ZNF385B: variants seen among roughly 807,000 people sequenced by gnomAD.
ZNF385B encodes zinc finger protein 533.
Under a neutral mutation model 39.2 loss-of-function variants are expected in ZNF385B, and 23 were observed. The ratio of observed to expected loss-of-function variants is 0.59; its 90% CI spans 0.42 to 0.83. ZNF385B has a LOEUF of 0.83. ZNF385B is among the 40% of genes least tolerant of loss of function. The pLI is 0.00. For missense variants in ZNF385B, 552 were observed against 598.9 expected, an observed-to-expected ratio of 0.92 and a Z score of 0.82; for synonymous variants, 205 against 222.6, an observed-to-expected ratio of 0.92 and a Z score of 0.70.
chr2:179,773,565 A>G (rs1009711620), intron 1 of ZNF385B, among the ~76,000 whole-genome samples: 1 of 152,236 alleles, frequency 6.6e-6, no homozygotes, highest in Non-Finnish European at 1.5e-5. Context: ...AAGTTAGCAC[A>G]ACACACAATT....
At chr2:179,838,514 A>T (rs1708370318) in intron 1 of ZNF385B, among the ~76,000 whole-genome samples, 1 of 152,166 alleles carries the variant, frequency 6.6e-6, no homozygotes, top group Non-Finnish European at 1.5e-5. Context: ...GCTCCACATC[A>T]TCCCAGTATC....
rs185969173 is a variant in ZNF385B at position 179,574,824 on chromosome 2, A to G, written c.299-29855T>C. ...AGGGATGTTAGGGGGGAAGGGCTTT[A>G]CCTAAGGAGAGAAGCTCCTTGCTTC... On this transcript the variant is annotated intron_variant, in intron 3 of 9. Coordinates refer to ENST00000410066, the MANE Select transcript of ZNF385B (RefSeq NM_152520.6). 2.5e-3 allele frequency among the ~76,000 whole-genome samples: 376 copies of G among 152,246 alleles called. 2 individuals carry two copies. The highest frequency in any genetic ancestry group is 8.6e-3 in the African/African-American group (356 of 41,556).
At chr2:179,559,837 C>T (rs1010825260) in intron 3 of ZNF385B, among the ~76,000 whole-genome samples, 1 of 152,112 alleles carries the variant, frequency 6.6e-6, no homozygotes, top group African/African-American at 2.4e-5. Context: ...CTACTGTCCT[C>T]ATGCTGTACC....
intron 1 of ZNF385B, among the ~76,000 whole-genome samples, chr2:179,825,814 A>G (rs1707648195): frequency 6.6e-6 from 1 of 152,114 alleles, no homozygotes; most frequent in South Asian, 2.1e-4. Flanking sequence ...GTAAAATACC[A>G]CTGATGACAA....
At chr2:179,807,767 C>T (rs1277876219) in intron 1 of ZNF385B, among the ~76,000 whole-genome samples, 12 of 151,340 alleles carry the variant, frequency 7.9e-5, no homozygotes, top group East Asian at 4.0e-4. Flanking sequence ...TGGTGGCAGG[C>T]GCCTGTAGTC....
At chr2:179,523,348 G>GTTTTTTTTT (rs574497139) in intron 4 of ZNF385B, among the ~76,000 whole-genome samples, 1 of 108,672 alleles carries the variant, frequency 9.2e-6, no homozygotes, top group African/African-American at 3.5e-5. Context: ...ATCTGTGTGC[G>GTTTTTTTTT]TTTTTTTTTT....
intron 3 of ZNF385B, among the ~76,000 whole-genome samples, chr2:179,717,993 A>T (rs1291092622): frequency 6.6e-6 from 1 of 152,118 alleles, no homozygotes; most frequent in Non-Finnish European, 1.5e-5. Context: ...ATCCGAAGAC[A>T]TTTTTGCTAC....
chr2:179,714,343 T>C (rs866552985), intron 3 of ZNF385B, among the ~76,000 whole-genome samples: 1 of 152,214 alleles, frequency 6.6e-6, no homozygotes, highest in African/African-American at 2.4e-5. Context: ...TTTATGTACA[T>C]GGCAACTGAG....
intron 1 of ZNF385B, among the ~76,000 whole-genome samples, chr2:179,802,347 C>T (rs1706087622): frequency 6.6e-6 from 1 of 152,068 alleles, no homozygotes; most frequent in Non-Finnish European, 1.5e-5. Flanking sequence ...TTCTAAGCCC[C>T]TTCTGTTAAT....
chr2:179,641,565 T>C (rs1331327662), intron 3 of ZNF385B, among the ~76,000 whole-genome samples: 2 of 152,148 alleles, frequency 1.3e-5, no homozygotes, highest in African/African-American at 4.8e-5. Flanking sequence ...TTTATAAATA[T>C]AAAATATAAT....
rs191227515 is a variant in ZNF385B at position 179,674,714 on chromosome 2, G to A, written c.298+94789C>T. ...TTCTTTTCCTTATGTTACCATTACT[G>A]CATTTTAAGGAATTTTAAACTTGAT... is the stretch of plus-strand genomic sequence containing the variant. On this transcript the variant is annotated intron_variant, in intron 3 of 9. Transcript: ENST00000410066. 2.0e-3 allele frequency among the ~76,000 whole-genome samples: 305 copies of A among 152,222 alleles called. 1 individual carries two copies. The highest frequency in any genetic ancestry group is 7.0e-3 in the African/African-American group (291 of 41,522).
Position 179,623,456 on chromosome 2 carries a change from C to G in ZNF385B, c.299-78487G>C, listed in dbSNP as rs774175261. ...AGTACATGACTTAGACTCAGCTGAT[C>G]GGACATATTTTATCCCCCTTCCCTG... is the stretch of plus-strand genomic sequence containing the variant. On this transcript the variant is annotated intron_variant, in intron 3 of 9. Coordinates refer to ENST00000410066, the MANE Select transcript of ZNF385B (RefSeq NM_152520.6). 3.3e-5 allele frequency among the ~76,000 whole-genome samples: 5 copies of G among 152,220 alleles called. No homozygotes were observed. In the South Asian group the frequency reaches 6.2e-4, roughly 19 times the overall value.
intron 1 of ZNF385B, among the ~76,000 whole-genome samples, chr2:179,803,887 G>A (rs1706188601): frequency 6.6e-6 from 1 of 152,140 alleles, no homozygotes; most frequent in Non-Finnish European, 1.5e-5. Flanking sequence ...ACACAATGGA[G>A]ATTGATTATA....
chr2:179,494,890 A>G (rs2056034023), intron 5 of ZNF385B, among the ~76,000 whole-genome samples: 2 of 152,166 alleles, frequency 1.3e-5, no homozygotes, highest in African/African-American at 4.8e-5. Context: ...GTAATTAAAA[A>G]GTTTTCTAAT....
intron 3 of ZNF385B, among the ~76,000 whole-genome samples, chr2:179,562,868 T>G (rs1054381377): frequency 6.6e-6 from 1 of 152,202 alleles, no homozygotes; most frequent in African/African-American, 2.4e-5. Flanking sequence ...TGTCAAGGGA[T>G]TATTCCCCCT....
rs2058533311 is a variant in ZNF385B, at chr2:179,521,873, A to T, written c.442-3235T>A. Reference sequence around the variant, plus strand: ...TCAAGATTGTACCCCCATCTGTCTCACTTGGAACAGATTTCCTTTATTTTC... The same window carrying T: ...TCAAGATTGTACCCCCATCTGTCTCTCTTGGAACAGATTTCCTTTATTTTC... On this transcript the variant is annotated intron_variant, in intron 4 of 9. Transcript: ENST00000410066. Among the ~76,000 whole-genome samples the T allele has an allele frequency of 4.6e-5, 7 of 152,234 alleles. 1 individual carries two copies. In the South Asian group the frequency reaches 1.5e-3, roughly 32 times the overall value.
chr2:179,707,895 G>T (rs985541462), intron 3 of ZNF385B, among the ~76,000 whole-genome samples: 5 of 152,246 alleles, frequency 3.3e-5, no homozygotes, highest in African/African-American at 1.2e-4. Flanking sequence ...AGCCAGAACA[G>T]TGGATCGCTA....
At chr2:179,635,234 G>C (rs1691642419) in intron 3 of ZNF385B, among the ~76,000 whole-genome samples, 1 of 152,044 alleles carries the variant, frequency 6.6e-6, no homozygotes, top group South Asian at 2.1e-4. Flanking sequence ...GTCCTTTACA[G>C]GGACATGGAT....
intron 3 of ZNF385B, among the ~76,000 whole-genome samples, chr2:179,563,949 A>AT (rs1684244487): frequency 6.6e-6 from 1 of 152,038 alleles, no homozygotes; most frequent in Non-Finnish European, 1.5e-5. Context: ...TTCTTGGAGT[A>AT]TTTTTTCTAG....
Sources: allele counts gnomAD v4.1 joint callset (sites outside exome capture counted in the v4.1 genomes callset), GRCh38; gene constraint gnomAD v4.1.1; transcripts MANE v1.5; gene names NCBI Gene and HGNC (gene_info 2026-07-23, HGNC 2026-07-21).